Variants in TYW1B observed in about 807,000 individuals in gnomAD.
The protein encoded by TYW1B is S-adenosyl-L-methionine-dependent tRNA 4-demethylwyosine synthase TYW1B.
Under a neutral mutation model 86.9 loss-of-function variants are expected in TYW1B, and 73 were observed. That is an observed-to-expected ratio of 0.84 (90% CI 0.70 to 1.02). TYW1B has a LOEUF of 1.02. Ranked by LOEUF, TYW1B falls within the 50% of genes least tolerant of loss-of-function variation. TYW1B has a pLI of 0.00. For synonymous variants in TYW1B, 248 were observed against 292.8 expected, an observed-to-expected ratio of 0.85 and a Z score of 1.56; for missense variants, 637 against 827.4, an observed-to-expected ratio of 0.77 and a Z score of 2.82.
intron 7 of TYW1B, among the ~76,000 whole-genome samples, chr7:72,770,129 T>G (rs1392723064): frequency 1.4e-5 from 2 of 143,932 alleles, no homozygotes; most frequent in Non-Finnish European, 3.0e-5. Context: ...CAGCAAAATG[T>G]AAATTAAAAC....
intron 11 of TYW1B, among the ~76,000 whole-genome samples, chr7:72,659,802 C>A (rs1356442115): frequency 3.3e-5 from 5 of 152,094 alleles, no homozygotes; most frequent in Non-Finnish European, 7.4e-5. Flanking sequence ...GAGAGAGTTT[C>A]AAGAGGCAAC....
At chr7:72,727,075 G>A (rs1303125330) in intron 9 of TYW1B, among the ~76,000 whole-genome samples, 1 of 152,084 alleles carries the variant, frequency 6.6e-6, no homozygotes, top group Non-Finnish European at 1.5e-5. Flanking sequence ...AGGGATTATG[G>A]GGATTACGGA....
At chr7:72,583,782 A>G (rs1429893587) in intron 13 of TYW1B, among the ~76,000 whole-genome samples, 3 of 152,204 alleles carry the variant, frequency 2.0e-5, no homozygotes, top group Non-Finnish European at 4.4e-5. Flanking sequence ...TTGGTTCTCT[A>G]TCTTGTGTAA....
At chr7:72,698,657 A>AAAG (rs1554451940) in intron 10 of TYW1B, among the ~76,000 whole-genome samples, 2 of 151,710 alleles carry the variant, frequency 1.3e-5, no homozygotes, top group Admixed American at 6.6e-5. Context: ...AAAAAAAAAA[A>AAAG]AAAGAAAGAA....
At chr7:72,689,945 TTAGA>T (rs1423255248) in intron 11 of TYW1B, among the ~76,000 whole-genome samples, 1 of 152,206 alleles carries the variant, frequency 6.6e-6, no homozygotes, top group Non-Finnish European at 1.5e-5. Context: ...TATTTAAATA[TTAGA>T]TAGAGGGCTA....
chr7:72,589,027 G>A (rs1305787111), intron 13 of TYW1B, among the ~76,000 whole-genome samples: 1 of 152,140 alleles, frequency 6.6e-6, no homozygotes, highest in East Asian at 1.9e-4. Context: ...TGGCCAGGCT[G>A]GTCTTGAACC....
At chr7:72,597,226 TA>T (rs1165182080) in intron 13 of TYW1B, among the ~76,000 whole-genome samples, 1 of 151,674 alleles carries the variant, frequency 6.6e-6, no homozygotes, top group Non-Finnish European at 1.5e-5. Context: ...ATAGATTGAA[TA>T]AGAAATCATG....
chr7:72,770,073 GAA>G (rs58212815), intron 7 of TYW1B, among the ~76,000 whole-genome samples: 1 of 121,488 alleles, frequency 8.2e-6, no homozygotes. Flanking sequence ...ACTCTGTCTC[GAA>G]AAAAAAAAAA....
intron 13 of TYW1B, among the ~76,000 whole-genome samples, chr7:72,577,602 C>A (rs1286832829): frequency 3.3e-5 from 5 of 152,222 alleles, no homozygotes; most frequent in African/African-American, 1.2e-4. Context: ...CTGGGCAGCA[C>A]TTCTGCCGCC....
At chr7:72,603,315 AGATAGAT>A (rs1554434239) in intron 13 of TYW1B, among the ~76,000 whole-genome samples, 1 of 139,100 alleles carries the variant, frequency 7.2e-6, no homozygotes, top group African/African-American at 2.8e-5. Context: ...ATGGATGGAC[AGATAGAT>A]GATGGATGGA....
chr7:72,753,155 A>G (rs1349116738), intron 7 of TYW1B, among the ~76,000 whole-genome samples: 1 of 152,108 alleles, frequency 6.6e-6, no homozygotes, highest in Non-Finnish European at 1.5e-5. Context: ...TTTACAGAAT[A>G]ATGCTAGCTA....
At chr7:72,598,552 G>A (rs1811587494) in intron 13 of TYW1B, among the ~76,000 whole-genome samples, 2 of 152,162 alleles carry the variant, frequency 1.3e-5, no homozygotes, top group Non-Finnish European at 2.9e-5. Context: ...TGAAAAGCAG[G>A]TTTATGTAGA....
intron 9 of TYW1B, among the ~76,000 whole-genome samples, chr7:72,717,711 T>C (rs1786818449): frequency 6.6e-6 from 1 of 151,768 alleles, no homozygotes; most frequent in Non-Finnish European, 1.5e-5. Context: ...TCCTACACCT[T>C]AGAAATACGA....
chr7:72,807,613 T>C (rs1788523177), intron 4 of TYW1B, among the ~76,000 whole-genome samples: 2 of 152,114 alleles, frequency 1.3e-5, no homozygotes, highest in African/African-American at 4.8e-5. Flanking sequence ...CTTTATCAAA[T>C]GAAGGGTTAA....
intron 8 of TYW1B, among the ~76,000 whole-genome samples, chr7:72,731,232 C>G (rs782123941): frequency 6.7e-6 from 1 of 148,726 alleles, no homozygotes; most frequent in Non-Finnish European, 1.5e-5. Flanking sequence ...ATTCATCATA[C>G]TAGACTGGCC....
In TYW1B at chr7:72,718,077, T is replaced by C. The variant is rs149717894; in HGVS notation, c.1193-4279A>G. ...AAAAGTCATGAAACCATGACCTAAG[T>C]GTCCATCAATGGTTGACTGGATAAA... On this transcript the variant is annotated intron_variant, in intron 9 of 13. Transcript: ENST00000620995. Among the ~76,000 whole-genome samples, 1,062 of 152,290 alleles carry C rather than the reference T, an allele frequency of 7.0e-3. 10 individuals carry two copies. The highest frequency in any genetic ancestry group is 0.023 in the African/African-American group (966 of 41,556).
intron 3 of TYW1B, among the ~76,000 whole-genome samples, chr7:72,814,326 T>C (rs1788680425): frequency 6.6e-6 from 1 of 152,098 alleles, no homozygotes; most frequent in Non-Finnish European, 1.5e-5. Context: ...GGCTCATGCC[T>C]ATAATCCTAG....
At chr7:72,692,718 G>A (rs35512849) in intron 11 of TYW1B, among the ~76,000 whole-genome samples, 5 of 152,084 alleles carry the variant, frequency 3.3e-5, no homozygotes, top group Non-Finnish European at 7.4e-5. Context: ...TTGCAGTAGT[G>A]GTAATCACAA....
chr7:72,777,928 A>G (rs1228374961), intron 6 of TYW1B, among the ~76,000 whole-genome samples: 1 of 152,126 alleles, frequency 6.6e-6, no homozygotes, highest in East Asian at 1.9e-4. Flanking sequence ...AAAATAAATA[A>G]TTATAAATAA....
Sources: allele counts gnomAD v4.1 joint callset (sites outside exome capture counted in the v4.1 genomes callset), GRCh38; gene constraint gnomAD v4.1.1; transcripts MANE v1.5; gene names NCBI Gene and HGNC (gene_info 2026-07-23, HGNC 2026-07-21).